SPIDR: variants seen among roughly 807,000 people sequenced by gnomAD.
The protein encoded by SPIDR is DNA repair-scaffolding protein.
In SPIDR, 93 loss-of-function variants were observed where a neutral mutation model predicts 104.6. That is an observed-to-expected ratio of 0.89 (90% CI 0.75 to 1.06). The LOEUF (loss-of-function observed/expected upper bound fraction) is 1.06, where lower values mean the gene tolerates loss of function less well. Ranked by LOEUF, SPIDR falls within the 50% of genes least tolerant of loss-of-function variation. The pLI is 0.00. For synonymous variants in SPIDR, 431 were observed against 416.9 expected (o/e 1.03, Z -0.41); for missense variants, 1,154 against 1,111.2 (o/e 1.04, Z -0.55).
At chr8:47,726,064 C>G (rs1015958806) in intron 16 of SPIDR, among the ~76,000 whole-genome samples, 1 of 152,262 alleles carries the variant, frequency 6.6e-6, no homozygotes, top group African/African-American at 2.4e-5. Context: ...TCTCCACTTG[C>G]ACCTCCTCAT....
At chr8:47,449,726 A>T (rs1331586404) in intron 8 of SPIDR, among the ~76,000 whole-genome samples, 3 of 152,232 alleles carry the variant, frequency 2.0e-5, no homozygotes, top group Non-Finnish European at 1.5e-5. Context: ...AATCTGGATA[A>T]TCTGAAAAAC....
At chr8:47,712,519 G>A in intron 14 of SPIDR, 143 bp from the exon 15 acceptor site, 1 of 983,422 alleles carries the variant, frequency 1.0e-6, no homozygotes, top group Non-Finnish European at 1.5e-6. Flanking sequence ...TAGTGACCAA[G>A]ATGTGCAAAG....
intron 8 of SPIDR, among the ~76,000 whole-genome samples, chr8:47,532,783 CTAATT>C: frequency 6.6e-6 from 1 of 152,338 alleles, no homozygotes; most frequent in Non-Finnish European, 1.5e-5. Context: ...TCAACAGAAT[CTAATT>C]TACATTTATA....
At chr8:47,303,566 C>G (rs2042611410) in intron 5 of SPIDR, among the ~76,000 whole-genome samples, 1 of 152,172 alleles carries the variant, frequency 6.6e-6, no homozygotes, top group African/African-American at 2.4e-5. Context: ...TGGAGCTGTT[C>G]CTGTTTGGCC....
At chr8:47,704,837 C>T (rs1010794983) in intron 14 of SPIDR, among the ~76,000 whole-genome samples, 2 of 152,174 alleles carry the variant, frequency 1.3e-5, no homozygotes, top group African/African-American at 4.8e-5. Flanking sequence ...ATAGGGCTCC[C>T]AGCAAGGACG....
intron 6 of SPIDR, among the ~76,000 whole-genome samples, chr8:47,404,852 G>T (rs901790468): frequency 3.3e-5 from 5 of 152,136 alleles, no homozygotes; most frequent in Admixed American, 2.0e-4. Context: ...CCTATTACTG[G>T]ATATATACCC....
At chr8:47,680,220 A>G (rs528474620) in intron 11 of SPIDR, among the ~76,000 whole-genome samples, 1 of 152,222 alleles carries the variant, frequency 6.6e-6, no homozygotes, top group Non-Finnish European at 1.5e-5. Context: ...CACAGGAAAA[A>G]AAGTTGTATG....
chr8:47,397,903 C>G (rs1267510345), intron 6 of SPIDR, among the ~76,000 whole-genome samples: 3 of 152,078 alleles, frequency 2.0e-5, no homozygotes, highest in Non-Finnish European at 4.4e-5. Flanking sequence ...GAGTTCGCAC[C>G]ATGGCTACAT....
At chr8:47,592,863 A>C (rs991881180) in intron 8 of SPIDR, among the ~76,000 whole-genome samples, 13 of 151,920 alleles carry the variant, frequency 8.6e-5, no homozygotes, top group African/African-American at 2.9e-4. Context: ...CTTTCTTCCC[A>C]CAGGTCCTTG....
chr8:47,532,915 G>T (rs2086265943), intron 8 of SPIDR, among the ~76,000 whole-genome samples: 3 of 152,172 alleles, frequency 2.0e-5, no homozygotes, highest in South Asian at 2.1e-4. Context: ...TAAATGATAG[G>T]ATCATACAGA....
chr8:47,694,867 C>A (rs896247893), intron 11 of SPIDR, among the ~76,000 whole-genome samples: 5 of 151,818 alleles, frequency 3.3e-5, no homozygotes, highest in African/African-American at 1.2e-4. Context: ...GAAATTAAAA[C>A]TGAAAAAGAT....
At chr8:47,636,390 T>A (rs1421336815) in intron 10 of SPIDR, among the ~76,000 whole-genome samples, 7 of 152,176 alleles carry the variant, frequency 4.6e-5, no homozygotes, top group Admixed American at 6.5e-5. Flanking sequence ...TCAGTAAGCC[T>A]CCAGTGGCCT....
intron 8 of SPIDR, among the ~76,000 whole-genome samples, chr8:47,483,086 A>G (rs1373982421): frequency 6.6e-6 from 1 of 151,882 alleles, no homozygotes; most frequent in East Asian, 1.9e-4. Flanking sequence ...ACCCAGCTAT[A>G]GAGACCGTGC....
intron 2 of SPIDR, among the ~76,000 whole-genome samples, chr8:47,282,624 T>C (rs891049499): frequency 6.6e-6 from 1 of 152,270 alleles, no homozygotes; most frequent in Non-Finnish European, 1.5e-5. Context: ...GGGAATGTTA[T>C]AGCTGATTCA....
chr8:47,286,790 A>G lies in SPIDR; in HGVS notation c.256+2696A>G, dbSNP rs1016489482. 7.2e-5 allele frequency among the ~76,000 whole-genome samples: 11 copies of G among 152,332 alleles called. No homozygotes were observed. The South Asian group carries it at 1.9e-3, about 26-fold the overall frequency. ...GGAAATATAAATGATTTTCAAACCT[A>G]TGAAAAGATGCTCAGCCTCAAGGCA... On this transcript the variant is annotated intron_variant, in intron 3 of 19. Transcript: ENST00000297423.
intron 10 of SPIDR, among the ~76,000 whole-genome samples, chr8:47,602,727 C>T (rs78607209): frequency 3.9e-5 from 6 of 152,324 alleles, no homozygotes; most frequent in African/African-American, 1.4e-4. Flanking sequence ...GCTGACAGCT[C>T]AATTAGTGCC....
intron 5 of SPIDR, among the ~76,000 whole-genome samples, chr8:47,374,341 G>A (rs1173014523): frequency 6.6e-6 from 1 of 152,114 alleles, no homozygotes; most frequent in Non-Finnish European, 1.5e-5. Context: ...GGGCAACATA[G>A]TGAGACCCTG....
At chr8:47,449,104 G>A (rs781818246) in intron 8 of SPIDR, among the ~76,000 whole-genome samples, 3 of 152,146 alleles carry the variant, frequency 2.0e-5, no homozygotes, top group Non-Finnish European at 2.9e-5. Context: ...AAAAGGTGGT[G>A]CTTTGGACTA....
intron 3 of SPIDR, 36 bp downstream of exon 3, chr8:47,284,130 T>C (rs1037055239): frequency 2.0e-6 from 3 of 1,503,210 alleles, no homozygotes; most frequent in Non-Finnish European, 2.7e-6. Context: ...AGAGAAGATA[T>C]AAGACTAATA....
Sources: allele counts gnomAD v4.1 joint callset (sites outside exome capture counted in the v4.1 genomes callset), GRCh38; gene constraint gnomAD v4.1.1; transcripts MANE v1.5; gene names NCBI Gene and HGNC (gene_info 2026-07-23, HGNC 2026-07-21).